Variants in ZNF493 observed in about 807,000 individuals in gnomAD.
ZNF493 encodes the protein zinc finger protein 493.
ZNF493 carries 11 observed loss-of-function variants against 12.2 expected under a neutral mutation model. The observed-to-expected ratio is 0.90, with a 90% CI of 0.57 to 1.50. ZNF493 has a LOEUF of 1.50. Among genes scored for constraint, ZNF493 ranks in the 40% most tolerant of loss-of-function variants. The pLI is 0.00. For missense variants in ZNF493, 950 were observed against 906.6 expected (o/e 1.05, Z -0.61); for synonymous variants, 286 against 302.6 (o/e 0.95, Z 0.57).
In ZNF493 at chr19:21,427,389, C is replaced by G. The variant is rs1367380082; in HGVS notation, c.*2405C>G. 1 of 153,894 alleles carries G rather than the reference C, an allele frequency of 6.5e-6. No homozygotes were observed. Among genetic ancestry groups the G allele is most frequent in the Non-Finnish European group, 1.5e-5 (1 of 68,036 alleles). The allele number at this position is 153,894 out of a possible 1,614,324, so 9.5% of individuals were successfully genotyped here. On this transcript the variant is annotated 3_prime_UTR_variant, in exon 4 of 4. Transcript: ENST00000392288. ...GTGCCATGCTGGTGCGCTGCACCCA[C>G]TAACTCGTCATCTAGCATTAGGTAT...
chr19:21,403,741 C>A (rs200660376), intron 1 of ZNF493, among the ~76,000 whole-genome samples: 436 of 96,330 alleles, frequency 4.5e-3, no homozygotes, highest in Admixed American at 6.6e-3. Context: ...TCCTTGCAAA[C>A]CTTTACTTCC....
At position 21,405,191 on chromosome 19, in the gene ZNF493, C is replaced by T. The variant is rs772030257; in HGVS notation, c.93C>T (p.Asp31=). The change falls in exon 2 of 4, where the codon GAC becomes GAT. Residue 31 remains aspartate (D), a synonymous_variant. Transcript: ENST00000392288. ...EFSLEEWQCL[D]TAQQDLYRKV... is the part of the protein sequence containing the mutation. ...CTCTGGAGGAGTGGCAATGCCTGGA[C>T]ACTGCTCAGCAGGATTTGTATAGGA... 1.9e-5 allele frequency: 30 copies of T among 1,613,916 alleles called. No individual in the cohort carries two copies. Among genetic ancestry groups the T allele is most frequent in the Non-Finnish European group, 2.5e-5 (30 of 1,180,014 alleles).
intron 3 of ZNF493, chr19:21,408,844 G>A (rs1568379057): frequency 1.0e-6 from 1 of 957,898 alleles, no homozygotes; most frequent in Non-Finnish European, 1.2e-6. Flanking sequence ...CCCCAATATT[G>A]GTTATGGCTT....
rs372678195 is a variant in ZNF493, at chr19:21,420,752, C to CTT, written c.254-2145_254-2144dup. ...CATAAGAGTATTCTTGCAAATAACA[C>CTT]TTTTTTTTTTTTTTTTTGAGACGAA... On this transcript the variant is annotated intron_variant, in intron 3 of 3. Transcript: ENST00000392288. Among the ~76,000 whole-genome samples, 501 of 104,982 alleles carry CTT rather than the reference C, an allele frequency of 4.8e-3. 10 individuals carry two copies. The highest frequency in any genetic ancestry group is 0.016 in the South Asian group (49 of 3,136). 68.9% of individuals were successfully genotyped at this position (104,982 alleles called of 152,430 possible).
At position 21,423,679 on chromosome 19, in the gene ZNF493, G is replaced by A. The variant is rs747197036; in HGVS notation, c.1020G>A (p.Lys340=). The A allele has an allele frequency of 1.2e-6, 2 of 1,611,918 alleles. No homozygotes were observed. Among genetic ancestry groups the A allele is most frequent in the South Asian group, 2.2e-5 (2 of 91,046 alleles). ...FSIFSTPTKH[K]IIHTEEKSHR... ...TTTTCTCAACCCCTACTAAACATAA[G>A]ATAATTCACACTGAAGAGAAATCCC... Residue 340 remains lysine (K), a synonymous_variant, in exon 4 of 4, where the codon AAG becomes AAA. Transcript: ENST00000392288.
At chr19:21,406,627 C>T (rs2030139949) in intron 3 of ZNF493, among the ~76,000 whole-genome samples, 1 of 151,888 alleles carries the variant, frequency 6.6e-6, no homozygotes, top group South Asian at 2.1e-4. Context: ...GGGTAGTGGT[C>T]TCTGTTCTAT....
Position 21,424,192 on chromosome 19 carries a change from T to C in ZNF493, c.1533T>C (p.His511=), listed in dbSNP as rs1376679023. The change falls in exon 4 of 4, where the codon CAT becomes CAC. Residue 511 remains histidine (H), a synonymous_variant. Coordinates refer to ENST00000392288, the MANE Select transcript of ZNF493 (RefSeq NM_001076678.3). The part of the protein sequence containing the change: ...SSTLSIHKII[H]TGEKPYKCEE... ...CCCTTAGTATACATAAAATAATTCA[T>C]ACTGGAGAAAAACCCTACAAATGTG... 6.2e-7 allele frequency: 1 copy of C among 1,613,218 alleles called. No homozygotes were observed. Among genetic ancestry groups the C allele is most frequent in the South Asian group, 1.1e-5 (1 of 91,028 alleles).
intron 1 of ZNF493, among the ~76,000 whole-genome samples, chr19:21,402,534 G>A (rs2029983301): frequency 1.3e-5 from 2 of 152,154 alleles, no homozygotes; most frequent in Non-Finnish European, 2.9e-5. Flanking sequence ...ACCCAAGAAT[G>A]CAGAGTCAGG....
At chr19:21,408,699 T>C in intron 3 of ZNF493, 1 of 985,124 alleles carries the variant, frequency 1.0e-6, no homozygotes, top group Non-Finnish European at 1.2e-6. Context: ...CTTATCGTGG[T>C]TTTTGGTTAT....
At chr19:21,405,538 C>T in intron 2 of ZNF493, 2 of 1,299,106 alleles carry the variant, frequency 1.5e-6, no homozygotes, top group Non-Finnish European at 2.0e-6. Context: ...ATGTTAAAAT[C>T]TATATGCCAC....
intron 3 of ZNF493, among the ~76,000 whole-genome samples, chr19:21,416,216 G>A (rs67723811): frequency 0.19 from 28,464 of 151,382 alleles, 2,928 homozygotes; most frequent in Non-Finnish European, 0.24. Context: ...CTGTTTTTCC[G>A]CTGGAAGTGG....
At chr19:21,419,177 G>GT (rs1244110314) in intron 3 of ZNF493, among the ~76,000 whole-genome samples, 5 of 152,178 alleles carry the variant, frequency 3.3e-5, no homozygotes, top group African/African-American at 1.2e-4. Context: ...AGTTGCGACA[G>GT]TGTTGTGGGA....
chr19:21,407,099 G>C (rs1484711446), intron 3 of ZNF493, among the ~76,000 whole-genome samples: 3 of 151,876 alleles, frequency 2.0e-5, no homozygotes, highest in Non-Finnish European at 4.4e-5. Flanking sequence ...TGTAATCCCA[G>C]CACTTTGGGA....
At chr19:21,420,533 G>GTT (rs5827504) in intron 3 of ZNF493, among the ~76,000 whole-genome samples, 21 of 125,342 alleles carry the variant, frequency 1.7e-4, no homozygotes, top group South Asian at 7.7e-4. Flanking sequence ...TATTTTTGAA[G>GTT]TTTTTTTTTC....
At chr19:21,398,811 G>A (rs1003446282) in intron 1 of ZNF493, 2 of 168,086 alleles carry the variant, frequency 1.2e-5, no homozygotes, top group East Asian at 1.8e-4. Flanking sequence ...GGAAAACACA[G>A]AAATAATTTC....
intron 3 of ZNF493, among the ~76,000 whole-genome samples, chr19:21,415,507 G>C (rs1052395719): frequency 9.9e-5 from 15 of 152,156 alleles, no homozygotes; most frequent in African/African-American, 3.6e-4. Context: ...GGGAGTAGTA[G>C]TCTGAATTTT....
rs1187480632 is a variant in ZNF493 at position 21,427,470 on chromosome 19, TG to T, written c.*2487del. On this transcript the variant is annotated 3_prime_UTR_variant, in exon 4 of 4. Transcript: ENST00000392288. ...CCAATTGTACTTTTATATAATAAAA[TG>T]CAGTACATTTTAAAAAATTTTAAAT... is the stretch of plus-strand genomic sequence containing the variant. The T allele has an allele frequency of 1.3e-5, 2 of 151,114 alleles. No homozygotes were observed. Among genetic ancestry groups the T allele is most frequent in the Non-Finnish European group, 3.0e-5 (2 of 67,506 alleles). The allele number at this position is 151,114 out of a possible 1,614,324, so 9.4% of individuals were successfully genotyped here.
chr19:21,423,636 G>A lies in ZNF493; in HGVS notation c.977G>A (p.Cys326Tyr). The A allele has an allele frequency of 1.2e-6, 2 of 1,609,656 alleles. No individual in the cohort carries two copies. The highest frequency in any genetic ancestry group is 1.7e-6 in the Non-Finnish European group (2 of 1,179,594). ...NGEKPYKCEE[C>Y]GKAFSIFSTP... ...GAAAAACCCTATAAATGTGAAGAAT[G>A]TGGCAAAGCCTTTAGTATTTTCTCA... The change falls in exon 4 of 4, where the codon TGT becomes TAT. Residue 326 changes from cysteine to tyrosine, a missense_variant. Cys to Tyr is a radical substitution (Grantham distance 194). Transcript: ENST00000392288.
chr19:21,407,249 T>C (rs1040797776), intron 3 of ZNF493, among the ~76,000 whole-genome samples: 1 of 152,090 alleles, frequency 6.6e-6, no homozygotes, highest in South Asian at 2.1e-4. Context: ...CTCAGGAGGC[T>C]GAACCAGGGG....
Sources: gnomAD v4.1 joint callset for allele counts (sites outside exome capture counted in the v4.1 genomes callset) on GRCh38, gnomAD v4.1.1 for gene constraint, MANE v1.5 for transcripts, NCBI Gene and HGNC (gene_info 2026-07-23, HGNC 2026-07-21) for gene names.